ALPK2: variants seen among roughly 807,000 people sequenced by gnomAD.
ALPK2 encodes the protein alpha kinase 2, also known as alpha-protein kinase 2.
A neutral mutation model predicts 163.1 loss-of-function variants in ALPK2; 127 were observed. The ratio of observed to expected loss-of-function variants is 0.78; its 90% CI spans 0.67 to 0.90. The LOEUF (loss-of-function observed/expected upper bound fraction) is 0.90, where lower values mean the gene tolerates loss of function less well. Ranked by LOEUF, ALPK2 falls within the 40% of genes least tolerant of loss-of-function variation. ALPK2 has a pLI of 0.00. For missense variants in ALPK2, 2,360 were observed against 2,589.6 expected (o/e 0.91, Z 1.92); for synonymous variants, 953 against 959.1 (o/e 0.99, Z 0.12).
chr18:58,579,930 G>A lies in ALPK2; in HGVS notation c.846C>T (p.His282=), dbSNP rs1406957194. Residue 282 remains histidine, a synonymous_variant, in exon 4 of 13, where the codon CAC becomes CAT. Coordinates refer to ENST00000361673, the MANE Select transcript of ALPK2 (RefSeq NM_052947.4). ...FSLPLSEATA[H]IYPGDSAVAN... The stretch of plus-strand genomic sequence containing the variant: ...CCACGGCACTGTCACCTGGGTAAAT[G>A]TGTGCAGTTGCCTCAGATAGCGGGA... 3 of 1,614,082 alleles carry A rather than the reference G, an allele frequency of 1.9e-6. No homozygotes were observed. In the African/African-American group the frequency reaches 4.0e-5, roughly 22 times the overall value.
At chr18:58,595,446 C>T (rs1466698691) in intron 3 of ALPK2, among the ~76,000 whole-genome samples, 1 of 152,120 alleles carries the variant, frequency 6.6e-6, no homozygotes, top group African/African-American at 2.4e-5. Flanking sequence ...CAGGATACAT[C>T]TTAATAGATT....
intron 3 of ALPK2, among the ~76,000 whole-genome samples, chr18:58,582,438 C>G (rs190208731): frequency 6.6e-6 from 1 of 152,246 alleles, no homozygotes; most frequent in Admixed American, 6.5e-5. Context: ...TGTCCTTGGC[C>G]TACCCTTGGA....
At chr18:58,576,293 G>C (rs140523980) in intron 4 of ALPK2, among the ~76,000 whole-genome samples, 1,523 of 152,240 alleles carry the variant, frequency 0.01, 24 homozygotes, top group African/African-American at 0.033. Flanking sequence ...AGAATCTCTT[G>C]AATCTGAGAG....
Position 58,523,993 on chromosome 18 carries a change from G to A in ALPK2, c.5571C>T (p.Tyr1857=), listed in dbSNP as rs2051570664. The part of the protein sequence containing the change: ...QASPKDQGLY[Y]CCIKNSYGKV... ...TTCCGTAGCTGTTCTTGATGCAGCA[G>A]TAATAGAGTCCCTGGTCCTTCGGAC... Residue 1857 remains tyrosine, a synonymous_variant, in exon 7 of 13, where the codon TAC becomes TAT. Transcript: ENST00000361673. 6.2e-7 allele frequency: 1 copy of A among 1,614,094 alleles called. No individual in the cohort carries two copies. Among genetic ancestry groups the A allele is most frequent in the African/African-American group, 1.3e-5 (1 of 74,950 alleles).
At chr18:58,487,571 T>C (rs566600352) in intron 12 of ALPK2, among the ~76,000 whole-genome samples, 1 of 152,352 alleles carries the variant, frequency 6.6e-6, no homozygotes, top group South Asian at 2.1e-4. Context: ...TTTTCAAATA[T>C]TTTCATTTTT....
chr18:58,514,886 TGA>T, intron 10 of ALPK2, 105 bp downstream of exon 10: 1 of 702,166 alleles, frequency 1.4e-6, no homozygotes. Context: ...GCTTACAGAC[TGA>T]GAGATCAGCT....
chr18:58,550,537 T>TCCCCATCTCCATCACCTACAAC (rs2051751180), intron 4 of ALPK2, among the ~76,000 whole-genome samples: 1 of 17,338 alleles, frequency 5.8e-5, no homozygotes, highest in African/African-American at 2.2e-4. Flanking sequence ...TCACCTACAA[T>TCCCCATCTCCATCACCTACAAC]CCCATCCCCA....
At chr18:58,612,391 G>A (rs2052137504) in intron 1 of ALPK2, among the ~76,000 whole-genome samples, 1 of 152,226 alleles carries the variant, frequency 6.6e-6, no homozygotes, top group Non-Finnish European at 1.5e-5. Context: ...GGATATGACT[G>A]CTCCTTCTGA....
chr18:58,555,403 A>C (rs1374099949), intron 4 of ALPK2, among the ~76,000 whole-genome samples: 1 of 152,196 alleles, frequency 6.6e-6, no homozygotes, highest in Non-Finnish European at 1.5e-5. Context: ...TTTCTTGGTT[A>C]TTATCCTGAT....
intron 10 of ALPK2, among the ~76,000 whole-genome samples, chr18:58,514,486 A>G (rs1381647966): frequency 3.3e-5 from 5 of 152,246 alleles, no homozygotes; most frequent in African/African-American, 7.2e-5. Flanking sequence ...CAAAGAGCAG[A>G]TAAAAGTGGG....
intron 8 of ALPK2, among the ~76,000 whole-genome samples, chr18:58,518,575 TCTGC>T (rs2051534265): frequency 6.6e-6 from 1 of 152,236 alleles, no homozygotes; most frequent in Non-Finnish European, 1.5e-5. Flanking sequence ...AAGAAAGCTC[TCTGC>T]CTTCCCTCTA....
intron 5 of ALPK2, among the ~76,000 whole-genome samples, chr18:58,530,264 C>T (rs1309293672): frequency 6.6e-6 from 1 of 152,182 alleles, no homozygotes; most frequent in Non-Finnish European, 1.5e-5. Context: ...TAATTCTCTA[C>T]CCTGGAAGTG....
intron 1 of ALPK2, among the ~76,000 whole-genome samples, chr18:58,623,558 T>G (rs1463349416): frequency 2.0e-5 from 3 of 152,176 alleles, no homozygotes; most frequent in Admixed American, 6.5e-5. Context: ...CCCTGCCTCC[T>G]GGGCTCAAGC....
At chr18:58,622,240 G>A (rs969713255) in intron 1 of ALPK2, among the ~76,000 whole-genome samples, 3 of 152,124 alleles carry the variant, frequency 2.0e-5, no homozygotes, top group Non-Finnish European at 2.9e-5. Context: ...CCAGCCACTT[G>A]GGAGGCTGAG....
At chr18:58,602,997 A>G (rs915913392) in intron 3 of ALPK2, among the ~76,000 whole-genome samples, 22 of 152,300 alleles carry the variant, frequency 1.4e-4, no homozygotes, top group Admixed American at 1.2e-3. Context: ...AATAGGAGGC[A>G]CCCTCAGTTC....
chr18:58,554,869 C>T (rs529656067), intron 4 of ALPK2, among the ~76,000 whole-genome samples: 25 of 152,222 alleles, frequency 1.6e-4, no homozygotes, highest in Middle Eastern at 3.4e-3. Context: ...ATCATGGGGG[C>T]GGGTTTTCCT....
rs1037402760 is a variant in ALPK2, at chr18:58,593,077, G to C, written c.228-12529C>G. ...GGTAGATACATGTCAGGACACCTTT[G>C]TCCAAACCTGTAGAACGGACACCAA... On this transcript the variant is annotated intron_variant, in intron 3 of 12. Coordinates refer to ENST00000361673, the MANE Select transcript of ALPK2 (RefSeq NM_052947.4). Among the ~76,000 whole-genome samples, 10 of 152,280 alleles carry C rather than the reference G, an allele frequency of 6.6e-5. No homozygotes were observed. In the South Asian group the frequency reaches 1.9e-3, roughly 28 times the overall value.
intron 12 of ALPK2, among the ~76,000 whole-genome samples, chr18:58,485,986 C>G (rs1382071737): frequency 2.0e-5 from 3 of 152,196 alleles, no homozygotes; most frequent in Non-Finnish European, 4.4e-5. Context: ...ACTGTGACCT[C>G]CCAGAAAGAT....
chr18:58,621,001 C>G (rs1424223442), intron 1 of ALPK2, among the ~76,000 whole-genome samples: 1 of 151,864 alleles, frequency 6.6e-6, no homozygotes, highest in Non-Finnish European at 1.5e-5. Flanking sequence ...ACAAAAAATA[C>G]AAAAATTAGC....
Sources: gnomAD v4.1 joint callset for allele counts (sites outside exome capture counted in the v4.1 genomes callset) on GRCh38, gnomAD v4.1.1 for gene constraint, MANE v1.5 for transcripts, NCBI Gene and HGNC (gene_info 2026-07-23, HGNC 2026-07-21) for gene names.